The following GABRG1 variants were observed in gnomAD, a reference collection of about 807,000 sequenced individuals.
GABRG1 encodes the protein gamma-aminobutyric acid type A receptor subunit gamma1.
In GABRG1, 49 loss-of-function variants were observed where a neutral mutation model predicts 49.8. The observed-to-expected ratio is 0.98, with a 90% CI of 0.78 to 1.25. GABRG1 has a LOEUF of 1.25. Among genes scored for constraint, GABRG1 ranks in the 50% most tolerant of loss-of-function variants. The pLI is 0.00. For synonymous variants in GABRG1, 232 were observed against 185.1 expected, an observed-to-expected ratio of 1.25 and a Z score of -2.06; for missense variants, 552 against 552.3, an observed-to-expected ratio of 1.00 and a Z score of 0.01.
chr4:46,120,258 C>T (rs1054032928), intron 1 of GABRG1, among the ~76,000 whole-genome samples: 1 of 151,764 alleles, frequency 6.6e-6, no homozygotes, highest in Non-Finnish European at 1.5e-5. Flanking sequence ...ATCATTTTCT[C>T]AGTATCTCCA....
At chr4:46,061,524 C>A (rs1201681259) in intron 5 of GABRG1, among the ~76,000 whole-genome samples, 1 of 151,750 alleles carries the variant, frequency 6.6e-6, no homozygotes, top group East Asian at 1.9e-4. Flanking sequence ...TTTTATAAGC[C>A]ATTTTACATA....
At chr4:46,112,881 T>C (rs189332702) in intron 1 of GABRG1, among the ~76,000 whole-genome samples, 1 of 150,966 alleles carries the variant, frequency 6.6e-6, no homozygotes, top group East Asian at 2.0e-4. Context: ...CTCAGCATCC[T>C]GGAATATACA....
chr4:46,110,563 C>T lies in GABRG1; in HGVS notation c.105-13214G>A, dbSNP rs1008066823. Among the ~76,000 whole-genome samples the T allele has an allele frequency of 1.3e-4, 19 of 151,128 alleles. No homozygotes were observed. The East Asian group carries it at 1.8e-3, about 14-fold the overall frequency. On this transcript the variant is annotated intron_variant, in intron 1 of 8. Transcript: ENST00000295452. ...CAAAGACAATGAAAAAAGAAAACTA[C>T]AGGCAAATATCCTTGATGAACATAG...
chr4:46,045,384 G>T (rs1254029886), intron 8 of GABRG1, among the ~76,000 whole-genome samples: 1 of 151,914 alleles, frequency 6.6e-6, no homozygotes, highest in Non-Finnish European at 1.5e-5. Context: ...GGAAAATCTG[G>T]AATATATGCT....
chr4:46,091,470 AG>A (rs1719987577), intron 2 of GABRG1, among the ~76,000 whole-genome samples: 2 of 152,112 alleles, frequency 1.3e-5, no homozygotes. Context: ...AAGTTACTCA[AG>A]TTATCAAGAC....
intron 7 of GABRG1, among the ~76,000 whole-genome samples, chr4:46,057,906 C>A (rs1013088628): frequency 3.3e-5 from 5 of 152,032 alleles, no homozygotes; most frequent in Admixed American, 3.3e-4. Context: ...AAAACTCAAC[C>A]AAAATAAGAT....
At chr4:46,114,009 T>A (rs1392845297) in intron 1 of GABRG1, among the ~76,000 whole-genome samples, 2 of 151,016 alleles carry the variant, frequency 1.3e-5, no homozygotes, top group Non-Finnish European at 1.5e-5. Context: ...TTTCAAAGGG[T>A]AGGAAAAATC....
At chr4:46,058,697 G>T in intron 5 of GABRG1, 75 bp from the exon 6 acceptor site, 1 of 1,161,422 alleles carries the variant, frequency 8.6e-7, no homozygotes, top group Non-Finnish European at 1.2e-6. Flanking sequence ...TCCAAAGGTA[G>T]ATTCTTGGAA....
chr4:46,111,891 C>G (rs28822404), intron 1 of GABRG1, among the ~76,000 whole-genome samples: 14,344 of 151,056 alleles, frequency 0.095, 1,701 homozygotes, highest in African/African-American at 0.28. Context: ...AATAATCCTA[C>G]AAGAAAACCT....
intron 7 of GABRG1, among the ~76,000 whole-genome samples, chr4:46,056,151 T>TAAAAAAAAAAAAAAAAAAAAAAAA (rs1182116080): frequency 1.1e-4 from 1 of 9,146 alleles, no homozygotes; most frequent in Non-Finnish European, 1.6e-4. Flanking sequence ...ATAAATAAAT[T>TAAAAAAAAAAAAAAAAAAAAAAAA]AAAAAAAAAA....
At chr4:46,089,045 T>C (rs191634783) in intron 2 of GABRG1, among the ~76,000 whole-genome samples, 1,593 of 152,096 alleles carry the variant, frequency 0.01, 24 homozygotes, top group Non-Finnish European at 0.019. Context: ...TTAGGATATT[T>C]TATTTTCTTG....
intron 5 of GABRG1, among the ~76,000 whole-genome samples, chr4:46,062,381 G>T (rs1247053415): frequency 6.6e-6 from 1 of 152,028 alleles, no homozygotes; most frequent in Non-Finnish European, 1.5e-5. Flanking sequence ...AGTCCTTTGG[G>T]TATATACCCA....
chr4:46,114,998 C>T (rs536859239), intron 1 of GABRG1, among the ~76,000 whole-genome samples: 13 of 150,648 alleles, frequency 8.6e-5, no homozygotes, highest in African/African-American at 2.4e-4. Context: ...AAATATTTTG[C>T]CTATAAAATA....
intron 2 of GABRG1, among the ~76,000 whole-genome samples, chr4:46,090,787 C>CT (rs1348271979): frequency 1.3e-5 from 2 of 151,974 alleles, no homozygotes; most frequent in African/African-American, 4.8e-5. Context: ...TTGGCCACTT[C>CT]TTCCCCTTGG....
At chr4:46,123,296 C>G (rs1400285253) in intron 1 of GABRG1, among the ~76,000 whole-genome samples, 1 of 151,916 alleles carries the variant, frequency 6.6e-6, no homozygotes, top group African/African-American at 2.4e-5. Context: ...TTGTTTTTAG[C>G]CAGATTTACA....
chr4:46,122,447 TTAC>T (rs1721115537), intron 1 of GABRG1, among the ~76,000 whole-genome samples: 1 of 152,028 alleles, frequency 6.6e-6, no homozygotes, highest in African/African-American at 2.4e-5. Context: ...GAATAAGCCA[TTAC>T]GACACAATAT....
intron 5 of GABRG1, among the ~76,000 whole-genome samples, chr4:46,064,158 T>C (rs1380833314): frequency 6.6e-6 from 1 of 152,038 alleles, no homozygotes; most frequent in Non-Finnish European, 1.5e-5. Flanking sequence ...ACAAACCTAT[T>C]TTCAATACTC....
chr4:46,041,813 T>C (rs1717797765), intron 8 of GABRG1, among the ~76,000 whole-genome samples: 1 of 151,964 alleles, frequency 6.6e-6, no homozygotes, highest in South Asian at 2.1e-4. Context: ...GGTGTTCAAA[T>C]TCTGCTCATT....
At chr4:46,079,728 G>A (rs1249933195) in intron 3 of GABRG1, among the ~76,000 whole-genome samples, 1 of 151,664 alleles carries the variant, frequency 6.6e-6, no homozygotes, top group Non-Finnish European at 1.5e-5. Context: ...GAATTTCCTG[G>A]AGCTTTTACC....
Sources: gnomAD v4.1 joint callset for allele counts (sites outside exome capture counted in the v4.1 genomes callset) on GRCh38, gnomAD v4.1.1 for gene constraint, MANE v1.5 for transcripts, NCBI Gene and HGNC (gene_info 2026-07-23, HGNC 2026-07-21) for gene names.